ACOT13: variants seen among roughly 807,000 people sequenced by gnomAD.
The protein encoded by ACOT13 is acyl-CoA thioesterase 13.
A neutral mutation model predicts 11.8 loss-of-function variants in ACOT13; 10 were observed. That is an observed-to-expected ratio of 0.85 (90% CI 0.53 to 1.44). ACOT13 has a LOEUF of 1.44. ACOT13 is among the 40% of genes most tolerant of loss of function. The pLI, the probability that ACOT13 is intolerant of heterozygous loss-of-function variation, is 0.00. For synonymous variants in ACOT13, 53 were observed against 61.0 expected (o/e 0.87, Z 0.61); for missense variants, 172 against 174.1 (o/e 0.99, Z 0.07).
In ACOT13 at chr6:24,667,124, G is replaced by C. The variant is rs1778270002; in HGVS notation, c.-140G>C. 1.1e-6 allele frequency: 1 copy of C among 932,910 alleles called. No homozygotes were observed. The highest frequency in any genetic ancestry group is 1.7e-5 in the African/African-American group (1 of 59,962). The allele number at this position is 932,910 out of a possible 1,614,324, so 57.8% of individuals were successfully genotyped here. A position where few individuals can be genotyped will look rare whatever the true frequency, so the allele number is the denominator to read the frequency against. On this transcript the variant is annotated 5_prime_UTR_variant, in exon 1 of 3. Transcript: ENST00000230048. ...GGGGCTGCCAGCTCGCCTGACTCCC[G>C]GCCTCTTGCGCTCCTAGGGGCGGAG...
At chr6:24,689,476 A>G (rs1226574749) in intron 1 of ACOT13, among the ~76,000 whole-genome samples, 1 of 152,192 alleles carries the variant, frequency 6.6e-6, no homozygotes, top group Non-Finnish European at 1.5e-5. Flanking sequence ...AAAAATAAAT[A>G]AATTGAGCTA....
chr6:24,701,974 G>T lies in ACOT13; in HGVS notation c.*359G>T, dbSNP rs1360938667. Reference sequence around the variant, plus strand: ...GTTCTAATTCTGTTTGGGCTGCTAGGAACAACAGAAATTTTTCATGGTTCT... The same window carrying T: ...GTTCTAATTCTGTTTGGGCTGCTAGTAACAACAGAAATTTTTCATGGTTCT... On this transcript the variant is annotated 3_prime_UTR_variant, in exon 3 of 3. Transcript: ENST00000230048. 2 of 160,686 alleles carry T rather than the reference G, an allele frequency of 1.2e-5. No homozygotes were observed. The highest frequency in any genetic ancestry group is 6.4e-5 in the Admixed American group (1 of 15,660). The allele number at this position is 160,686 out of a possible 1,614,324, so 10.0% of individuals were successfully genotyped here.
intron 2 of ACOT13, among the ~76,000 whole-genome samples, chr6:24,700,129 G>A (rs969070943): frequency 6.6e-6 from 1 of 152,272 alleles, no homozygotes; most frequent in Non-Finnish European, 1.5e-5. Context: ...TGTGACTTAG[G>A]TTAAAAACAA....
chr6:24,699,568 C>T, intron 2 of ACOT13, among the ~76,000 whole-genome samples: 2 of 152,196 alleles, frequency 1.3e-5, no homozygotes, highest in East Asian at 3.8e-4. Context: ...AACATTCAGT[C>T]CCTCTTCATG....
intron 1 of ACOT13, among the ~76,000 whole-genome samples, chr6:24,684,892 G>A (rs1280689111): frequency 6.6e-6 from 1 of 152,052 alleles, no homozygotes; most frequent in Non-Finnish European, 1.5e-5. Flanking sequence ...CGTAGATGTG[G>A]TCTCCTCTTC....
intron 2 of ACOT13, among the ~76,000 whole-genome samples, chr6:24,700,626 G>T (rs533913425): frequency 6.3e-4 from 95 of 151,882 alleles, no homozygotes; most frequent in African/African-American, 2.1e-3. Context: ...AGTTGAGACG[G>T]GGTTTCACCA....
chr6:24,686,733 C>T (rs148265955), intron 1 of ACOT13, among the ~76,000 whole-genome samples: 19 of 151,260 alleles, frequency 1.3e-4, no homozygotes, highest in African/African-American at 4.1e-4. Flanking sequence ...CAGGATCTTA[C>T]CCTGTCACCC....
intron 1 of ACOT13, among the ~76,000 whole-genome samples, chr6:24,682,339 C>G (rs1028859783): frequency 1.4e-4 from 21 of 152,164 alleles, no homozygotes; most frequent in Non-Finnish European, 2.1e-4. Context: ...TGGTTGTGGG[C>G]CACTTCCACA....
At chr6:24,697,160 A>C (rs2092404) in intron 1 of ACOT13, among the ~76,000 whole-genome samples, 114,057 of 152,232 alleles carry the variant, frequency 0.75, 43,087 homozygotes, top group East Asian at 0.85. Flanking sequence ...AATGGGCCAA[A>C]ACCTTAAAAG....
Position 24,688,066 on chromosome 6 carries a change from T to C in ACOT13, c.82-9817T>C, listed in dbSNP as rs111995768. Among the ~76,000 whole-genome samples the C allele has an allele frequency of 7.4e-3, 1,129 of 152,268 alleles. 10 individuals carry two copies. The highest frequency in any genetic ancestry group is 0.025 in the African/African-American group (1,052 of 41,540). On this transcript the variant is annotated intron_variant, in intron 1 of 2. Transcript: ENST00000230048. ...ATAGAAAAACTTATAGATTTTGGAC[T>C]GACTACAAAAGGGCAGTGATATTCA...
In ACOT13 at chr6:24,691,519, GGA is replaced by G. The variant is rs1445578982; in HGVS notation, c.82-6361_82-6360del. On this transcript the variant is annotated intron_variant, in intron 1 of 2. Coordinates refer to ENST00000230048, the MANE Select transcript of ACOT13 (RefSeq NM_018473.4). ...GTGGAAGATAGAGAGTATTGGTGCA[GGA>G]GAACTTAAATCCACCCCCCACCCTG... Among the ~76,000 whole-genome samples, 29 of 152,152 alleles carry G rather than the reference GGA, an allele frequency of 1.9e-4. 1 individual carries two copies. The highest frequency in any genetic ancestry group is 7.4e-5 in the Non-Finnish European group (5 of 68,026).
chr6:24,667,099 G>T lies in ACOT13; in HGVS notation c.-165G>T, dbSNP rs1333341278. 1.2e-6 allele frequency: 1 copy of T among 848,178 alleles called. No individual in the cohort carries two copies. The allele number at this position is 848,178 out of a possible 1,614,324, so 52.5% of individuals were successfully genotyped here. On this transcript the variant is annotated 5_prime_UTR_variant, in exon 1 of 3. Coordinates refer to ENST00000230048, the MANE Select transcript of ACOT13 (RefSeq NM_018473.4). ...GTCAGTGAGCAAATCGCGGACCACC[G>T]GGGCTGCCAGCTCGCCTGACTCCCG...
At chr6:24,681,512 A>G (rs1002241664) in intron 1 of ACOT13, among the ~76,000 whole-genome samples, 1 of 108,176 alleles carries the variant, frequency 9.2e-6, no homozygotes, top group African/African-American at 3.8e-5. Context: ...TTTTTATTCT[A>G]TCTTTTTCTT....
At chr6:24,693,656 GGA>G (rs975532750) in intron 1 of ACOT13, among the ~76,000 whole-genome samples, 1 of 152,090 alleles carries the variant, frequency 6.6e-6, no homozygotes, top group Non-Finnish European at 1.5e-5. Context: ...TGTGTCATGT[GGA>G]GTGTCTCTTT....
chr6:24,667,157 C>A lies in ACOT13; in HGVS notation c.-107C>A. On this transcript the variant is annotated 5_prime_UTR_variant, in exon 1 of 3. Coordinates refer to ENST00000230048, the MANE Select transcript of ACOT13 (RefSeq NM_018473.4). ...GCGCTCCTAGGGGCGGAGAAGGGTG[C>A]GGGCTCTTCGCCCTTTGTGTCCTCC... 1.7e-6 allele frequency: 2 copies of A among 1,181,064 alleles called. No homozygotes were observed. Among genetic ancestry groups the A allele is most frequent in the Non-Finnish European group, 2.4e-6 (2 of 820,190 alleles). The allele number at this position is 1,181,064 out of a possible 1,614,324, so 73.2% of individuals were successfully genotyped here.
chr6:24,669,107 G>C (rs1263665706), intron 1 of ACOT13, among the ~76,000 whole-genome samples: 3 of 152,210 alleles, frequency 2.0e-5, no homozygotes, highest in African/African-American at 7.2e-5. Flanking sequence ...CCAAAAATTT[G>C]AGACAGGTAT....
At chr6:24,692,618 T>G (rs983467498) in intron 1 of ACOT13, among the ~76,000 whole-genome samples, 2 of 152,044 alleles carry the variant, frequency 1.3e-5, no homozygotes, top group East Asian at 3.9e-4. Context: ...GGGGTCTTGC[T>G]GTGTTGCCCA....
chr6:24,673,342 T>TA (rs1211434175), intron 1 of ACOT13, among the ~76,000 whole-genome samples: 2 of 151,932 alleles, frequency 1.3e-5, no homozygotes, highest in South Asian at 2.1e-4. Context: ...ACTTTCAGTT[T>TA]TAAAAAAAAA....
intron 2 of ACOT13, among the ~76,000 whole-genome samples, chr6:24,699,321 T>C (rs1353573270): frequency 6.6e-6 from 1 of 150,468 alleles, no homozygotes; most frequent in Non-Finnish European, 1.5e-5. Context: ...ACCATTCTCC[T>C]GCCTCAGCCT....
Sources: allele counts gnomAD v4.1 joint callset (sites outside exome capture counted in the v4.1 genomes callset), GRCh38; gene constraint gnomAD v4.1.1; transcripts MANE v1.5; gene names NCBI Gene and HGNC (gene_info 2026-07-23, HGNC 2026-07-21).